CFAP221: variants seen among roughly 807,000 people sequenced by gnomAD.
CFAP221 encodes the protein cilia- and flagella-associated protein 221.
A neutral mutation model predicts 113.1 loss-of-function variants in CFAP221; 97 were observed. The observed-to-expected ratio is 0.86, with a 90% CI of 0.73 to 1.02. The LOEUF is 1.02. CFAP221 is among the 50% of genes least tolerant of loss of function. CFAP221 has a pLI of 0.00. For missense variants in CFAP221, 1,025 were observed against 1,013.4 expected (o/e 1.01, Z -0.16); for synonymous variants, 331 against 354.4 (o/e 0.93, Z 0.74).
Position 119,604,807 on chromosome 2 carries a change from G to T in CFAP221, c.912+15G>T. On this transcript the variant is annotated intron_variant, in intron 9 of 23. Transcript: ENST00000413369. ...AGAAGGTGAAGGTACGGTGGGCCTT[G>T]TCCTTGGTGCGATGAAAGGGTGACA... The T allele has an allele frequency of 6.3e-7, 1 of 1,591,834 alleles. No homozygotes were observed. The highest frequency in any genetic ancestry group is 8.6e-7 in the Non-Finnish European group (1 of 1,168,060).
chr2:119,610,874 C>T lies in CFAP221; in HGVS notation c.1222-779C>T, dbSNP rs139052089. Among the ~76,000 whole-genome samples, 68 of 152,268 alleles carry T rather than the reference C, an allele frequency of 4.5e-4. No homozygotes were observed. In the East Asian group the frequency reaches 0.011, roughly 25 times the overall value. On this transcript the variant is annotated intron_variant, in intron 12 of 23. Coordinates refer to ENST00000413369, the MANE Select transcript of CFAP221 (RefSeq NM_001271049.2). ...AAAAACTAACACCATCTGCGGAGTA[C>T]GCAGTCCCCTTTCCCACCTGGGCAG...
rs1478148169 is a variant in CFAP221, at chr2:119,627,806, G to T, written c.1650+20G>T. ...GAGTTGGTAGGTGCCGTCAGGCTTG[G>T]GGGCGGGGAGTGGACATGATCATGA... On this transcript the variant is annotated intron_variant, in intron 16 of 23. Transcript: ENST00000413369. 1.9e-6 allele frequency: 3 copies of T among 1,612,592 alleles called. No individual in the cohort carries two copies. The South Asian group carries it at 3.3e-5, about 18-fold the overall frequency.
Position 119,613,171 on chromosome 2 carries a change from G to T in CFAP221, c.1311+1429G>T, listed in dbSNP as rs548136898. ...CATAGCCTTGGACTGCTTTGCTCCTGTGGCTTTGCAGGGTACAGCCTCCCT... is the reference window on the plus strand; with the variant it reads ...CATAGCCTTGGACTGCTTTGCTCCTTTGGCTTTGCAGGGTACAGCCTCCCT... On this transcript the variant is annotated intron_variant, in intron 13 of 23. Coordinates refer to ENST00000413369, the MANE Select transcript of CFAP221 (RefSeq NM_001271049.2). 3.3e-5 allele frequency among the ~76,000 whole-genome samples: 5 copies of T among 152,366 alleles called. No individual in the cohort carries two copies. In the East Asian group the frequency reaches 7.7e-4, roughly 24 times the overall value.
In CFAP221 at chr2:119,638,345, G is replaced by A. The variant is rs1162062583; in HGVS notation, c.2061G>A (p.Lys687=). The A allele has an allele frequency of 1.2e-6, 2 of 1,614,136 alleles. No individual in the cohort carries two copies. The highest frequency in any genetic ancestry group is 2.2e-5 in the South Asian group (2 of 91,084). Residue 687 remains lysine (K), a synonymous_variant, in exon 20 of 24, where the codon AAG becomes AAA. Coordinates refer to ENST00000413369, the MANE Select transcript of CFAP221 (RefSeq NM_001271049.2). ...LIDYHLCSHP[K]YKFTKESRHG... is the part of the protein sequence containing the mutation. ...ATTACCATCTATGCTCTCACCCCAA[G>A]TACAAATTCACCAAAGAGTCCCGCC...
chr2:119,550,294 A>G (rs570546030), intron 3 of CFAP221, among the ~76,000 whole-genome samples: 1 of 152,350 alleles, frequency 6.6e-6, no homozygotes, highest in Non-Finnish European at 1.5e-5. Context: ...GTGAGGCAAA[A>G]CACTGGAGGA....
At chr2:119,547,944 C>T (rs572864155) in intron 2 of CFAP221, among the ~76,000 whole-genome samples, 12 of 152,136 alleles carry the variant, frequency 7.9e-5, no homozygotes, top group African/African-American at 2.9e-4. Flanking sequence ...TCAGACAGAC[C>T]TGGGGTTGAT....
rs146875823 is a variant in CFAP221 at position 119,573,866 on chromosome 2, C to T, written c.527+11752C>T. On this transcript the variant is annotated intron_variant, in intron 6 of 23. Coordinates refer to ENST00000413369, the MANE Select transcript of CFAP221 (RefSeq NM_001271049.2). ...AATTTTAGCAAGAAAAGAAAATCAT[C>T]CAACCTCTAAACTATAGGGATCTGT... Among the ~76,000 whole-genome samples the T allele has an allele frequency of 2.8e-3, 429 of 152,282 alleles. 2 individuals are homozygous for T. The highest frequency in any genetic ancestry group is 9.5e-3 in the African/African-American group (394 of 41,548).
At chr2:119,606,570 A>G (rs1313183370) in intron 11 of CFAP221, among the ~76,000 whole-genome samples, 1 of 152,132 alleles carries the variant, frequency 6.6e-6, no homozygotes, top group Non-Finnish European at 1.5e-5. Context: ...GTTTATAAAC[A>G]CCTTTTCCCT....
At chr2:119,584,827 C>T (rs1008550971) in intron 6 of CFAP221, among the ~76,000 whole-genome samples, 2 of 152,076 alleles carry the variant, frequency 1.3e-5, no homozygotes, top group Non-Finnish European at 2.9e-5. Context: ...TAGAAACTCT[C>T]CTATTCTGCT....
chr2:119,607,569 G>T (rs1423012730), intron 11 of CFAP221, among the ~76,000 whole-genome samples: 1 of 152,068 alleles, frequency 6.6e-6, no homozygotes, highest in African/African-American at 2.4e-5. Context: ...GAGGTTTTTA[G>T]TAAATCCACA....
At chr2:119,552,382 GAAAT>G (rs1199250700) in intron 3 of CFAP221, among the ~76,000 whole-genome samples, 5 of 58,772 alleles carry the variant, frequency 8.5e-5, no homozygotes, top group African/African-American at 2.7e-4. Context: ...TCTTTAATAA[GAAAT>G]AAATAGAAAT....
At chr2:119,565,700 C>T (rs1259648250) in intron 6 of CFAP221, among the ~76,000 whole-genome samples, 1 of 152,186 alleles carries the variant, frequency 6.6e-6, no homozygotes, top group Non-Finnish European at 1.5e-5. Flanking sequence ...CTGTTTTCCT[C>T]CAGACATTCT....
At chr2:119,556,832 G>A (rs1680842998) in intron 3 of CFAP221, among the ~76,000 whole-genome samples, 1 of 152,142 alleles carries the variant, frequency 6.6e-6, no homozygotes, top group Non-Finnish European at 1.5e-5. Context: ...GATTACAGGT[G>A]TGAGCCACTG....
chr2:119,597,345 G>A (rs1258370601), intron 7 of CFAP221, among the ~76,000 whole-genome samples: 1 of 152,198 alleles, frequency 6.6e-6, no homozygotes, highest in Non-Finnish European at 1.5e-5. Flanking sequence ...CTGGGCAGCA[G>A]CAGAGGCTGG....
rs139261976 is a variant in CFAP221 at position 119,614,344 on chromosome 2, C to T, written c.1312-1267C>T. Among the ~76,000 whole-genome samples the T allele has an allele frequency of 6.6e-5, 10 of 152,286 alleles. No homozygotes were observed. The East Asian group carries it at 1.9e-3, about 29-fold the overall frequency. On this transcript the variant is annotated intron_variant, in intron 13 of 23. Coordinates refer to ENST00000413369, the MANE Select transcript of CFAP221 (RefSeq NM_001271049.2). Reference sequence around the variant, plus strand: ...ATTTTTGAGTATTTTTATAGTAGCACCCCACTCCTGGTACCAATTTAGTGT... The same window carrying T: ...ATTTTTGAGTATTTTTATAGTAGCATCCCACTCCTGGTACCAATTTAGTGT...
At chr2:119,635,505 A>T (rs1016410224) in intron 19 of CFAP221, among the ~76,000 whole-genome samples, 1 of 151,992 alleles carries the variant, frequency 6.6e-6, no homozygotes, top group Admixed American at 6.6e-5. Flanking sequence ...CTGCCTGTGG[A>T]TGGGTTGGGT....
At chr2:119,579,662 T>C (rs1329336600) in intron 6 of CFAP221, among the ~76,000 whole-genome samples, 4 of 152,232 alleles carry the variant, frequency 2.6e-5, no homozygotes, top group Non-Finnish European at 4.4e-5. Flanking sequence ...TGTTTGTTTT[T>C]CCAGACTGGC....
intron 15 of CFAP221, among the ~76,000 whole-genome samples, chr2:119,626,670 A>G (rs909684571): frequency 6.6e-6 from 1 of 152,136 alleles, no homozygotes; most frequent in African/African-American, 2.4e-5. Context: ...ACTGTAGTAC[A>G]TGCCTGTAAT....
At chr2:119,638,114 T>C (rs1250318121) in intron 19 of CFAP221, 145 bp from the exon 20 acceptor site, 1 of 736,144 alleles carries the variant, frequency 1.4e-6, no homozygotes, top group Non-Finnish European at 2.1e-6. Context: ...TCTGCTCTCC[T>C]GCTTCTCTTT....
Sources: gnomAD v4.1 joint callset for allele counts (sites outside exome capture counted in the v4.1 genomes callset) on GRCh38, gnomAD v4.1.1 for gene constraint, MANE v1.5 for transcripts, NCBI Gene and HGNC (gene_info 2026-07-23, HGNC 2026-07-21) for gene names.